The following P2RY8 variants were observed in gnomAD, a reference collection of about 807,000 sequenced individuals.
The protein encoded by P2RY8 is P2Y receptor family member 8.
P2RY8 carries 6 observed loss-of-function variants against 10.0 expected under a neutral mutation model. The observed-to-expected ratio is 0.60, with a 90% CI of 0.33 to 1.19. The LOEUF (loss-of-function observed/expected upper bound fraction) is 1.19. P2RY8 is among the 50% of genes most tolerant of loss of function. The pLI is 0.04. For synonymous variants in P2RY8, 276 were observed against 252.5 expected, an observed-to-expected ratio of 1.09 and a Z score of -0.88; for missense variants, 456 against 542.0, an observed-to-expected ratio of 0.84 and a Z score of 1.58.
At chrX:1,512,652 T>C (rs2092307605) in intron 1 of P2RY8, among the ~76,000 whole-genome samples, 2 of 151,336 alleles carry the variant, frequency 1.3e-5, no homozygotes, top group African/African-American at 4.9e-5. Flanking sequence ...CTCGCAATCA[T>C]GGCGGAAGGC....
intron 1 of P2RY8, among the ~76,000 whole-genome samples, chrX:1,524,812 TCC>T (rs1402475194): frequency 1.1e-5 from 1 of 89,492 alleles, no homozygotes; most frequent in Non-Finnish European, 2.8e-5. Flanking sequence ...CACTCATCCA[TCC>T]ATCCATCCAT....
At chrX:1,483,749 C>T (rs1191738469) in intron 1 of P2RY8, among the ~76,000 whole-genome samples, 1 of 152,116 alleles carries the variant, frequency 6.6e-6, no homozygotes, top group African/African-American at 2.4e-5. Flanking sequence ...CTCCCTTAGA[C>T]CCAGAGCTGA....
chrX:1,484,724 T>TAAAAAAAAAAAAAAAAAAAA (rs1171758279), intron 1 of P2RY8, among the ~76,000 whole-genome samples: 3 of 16,792 alleles, frequency 1.8e-4, no homozygotes, highest in African/African-American at 3.4e-4. Flanking sequence ...CAAAACCCTG[T>TAAAAAAAAAAAAAAAAAAAA]AAAAAAAAAA....
At chrX:1,523,831 G>A (rs771169931) in intron 1 of P2RY8, among the ~76,000 whole-genome samples, 6 of 152,048 alleles carry the variant, frequency 3.9e-5, no homozygotes, top group Non-Finnish European at 5.9e-5. Flanking sequence ...TATAGGTGCC[G>A]CACCACCACG....
At chrX:1,512,509 T>A (rs1221535703) in intron 1 of P2RY8, among the ~76,000 whole-genome samples, 3 of 135,510 alleles carry the variant, frequency 2.2e-5, no homozygotes, top group African/African-American at 8.3e-5. Context: ...ATCATGCCAT[T>A]GCACTCCAGC....
At chrX:1,484,713 G>A (rs1222658298) in intron 1 of P2RY8, among the ~76,000 whole-genome samples, 2 of 58,202 alleles carry the variant, frequency 3.4e-5, no homozygotes, top group Non-Finnish European at 6.1e-5. Context: ...GCGTGACAGA[G>A]CAAAACCCTG....
Position 1,465,475 on chromosome X carries a change from G to A in P2RY8, c.*4C>T. ...CCCGGCTCTCCAAGCTGCGCCCCCG[G>A]GACTCAGAACACACTCTCCTGCCTC... is the stretch of plus-strand genomic sequence containing the variant. On this transcript the variant is annotated 3_prime_UTR_variant, in exon 2 of 2. Transcript: ENST00000381297. 6.3e-7 allele frequency: 1 copy of A among 1,594,594 alleles called. No homozygotes were observed. The highest frequency in any genetic ancestry group is 8.5e-7 in the Non-Finnish European group (1 of 1,170,640).
chrX:1,484,122 T>C (rs1475643018), intron 1 of P2RY8, among the ~76,000 whole-genome samples: 1 of 152,128 alleles, frequency 6.6e-6, no homozygotes, highest in African/African-American at 2.4e-5. Flanking sequence ...TGGGCTCCCC[T>C]AAACTCAGGA....
chrX:1,530,157 G>GTATGT (rs1448165994), intron 1 of P2RY8, among the ~76,000 whole-genome samples: 20 of 42,462 alleles, frequency 4.7e-4, no homozygotes, highest in Admixed American at 1.5e-3. Context: ...ATGTATGTAT[G>GTATGT]ATCTATCTAT....
chrX:1,497,243 A>C, intron 1 of P2RY8, among the ~76,000 whole-genome samples: 1 of 149,224 alleles, frequency 6.7e-6, no homozygotes, highest in Non-Finnish European at 1.5e-5. Flanking sequence ...AAAAGAAAAG[A>C]AAAAGAAAAA....
intron 1 of P2RY8, among the ~76,000 whole-genome samples, chrX:1,492,171 G>C (rs1320127460): frequency 1.3e-5 from 2 of 152,144 alleles, no homozygotes; most frequent in South Asian, 2.1e-4. Flanking sequence ...CTGAGGATAG[G>C]GGGGTGTGGT....
At chrX:1,471,508 T>G (rs2091787197) in intron 1 of P2RY8, among the ~76,000 whole-genome samples, 2 of 150,156 alleles carry the variant, frequency 1.3e-5, no homozygotes, top group African/African-American at 4.9e-5. Flanking sequence ...GCTTTCATCA[T>G]GTTGGCCAGG....
intron 1 of P2RY8, among the ~76,000 whole-genome samples, chrX:1,534,546 C>T (rs1404805405): frequency 2.0e-5 from 3 of 152,040 alleles, no homozygotes; most frequent in Non-Finnish European, 4.4e-5. Context: ...TCCAGGTGGA[C>T]ACTGGGATCC....
rs2091651198 is a variant in P2RY8, at chrX:1,465,426, G to A, written c.*53C>T. On this transcript the variant is annotated 3_prime_UTR_variant, in exon 2 of 2. Transcript: ENST00000381297. The stretch of plus-strand genomic sequence containing the variant: ...CTCTGGCACCGTGGCCTCTCCATGC[G>A]CCCCTGGATCTCCAAGCTGCGCCCC... The A allele has an allele frequency of 3.9e-6, 6 of 1,542,352 alleles. No individual in the cohort carries two copies. The highest frequency in any genetic ancestry group is 5.2e-6 in the Non-Finnish European group (6 of 1,150,294).
At chrX:1,524,645 A>ACATCCGTG (rs2092423335) in intron 1 of P2RY8, among the ~76,000 whole-genome samples, 2 of 42,254 alleles carry the variant, frequency 4.7e-5, no homozygotes, top group East Asian at 9.7e-4. Flanking sequence ...ATCCATCCAT[A>ACATCCGTG]CATCCATCCA....
chrX:1,509,074 T>C (rs1237877881), intron 1 of P2RY8, among the ~76,000 whole-genome samples: 1 of 149,506 alleles, frequency 6.7e-6, no homozygotes, highest in African/African-American at 2.4e-5. Context: ...TATGTATCTA[T>C]CTATGTATCT....
intron 1 of P2RY8, among the ~76,000 whole-genome samples, chrX:1,521,607 G>C (rs1407663548): frequency 4.6e-5 from 7 of 152,182 alleles, no homozygotes; most frequent in African/African-American, 1.4e-4. Context: ...TCTGCAGGAA[G>C]TCAATTCACT....
At chrX:1,472,720 T>G (rs867717985) in intron 1 of P2RY8, among the ~76,000 whole-genome samples, 11 of 19,486 alleles carry the variant, frequency 5.6e-4, no homozygotes, top group Admixed American at 2.5e-3. Context: ...GGATGAATGG[T>G]GGGTGGGTGG....
chrX:1,508,500 C>T (rs2149401488), intron 1 of P2RY8, among the ~76,000 whole-genome samples: 1 of 152,210 alleles, frequency 6.6e-6, no homozygotes, highest in East Asian at 1.9e-4. Context: ...ACATGAGAGA[C>T]TCCTTATATT....
Sources: allele counts gnomAD v4.1 joint callset (sites outside exome capture counted in the v4.1 genomes callset), GRCh38; gene constraint gnomAD v4.1.1; transcripts MANE v1.5; gene names NCBI Gene and HGNC (gene_info 2026-07-23, HGNC 2026-07-21).